The following HECA variants were observed in gnomAD, a reference collection of about 807,000 sequenced individuals.
The protein encoded by HECA is headcase protein homolog.
A neutral mutation model predicts 37.6 loss-of-function variants in HECA; 13 were observed. That is an observed-to-expected ratio of 0.35 (90% CI 0.23 to 0.55). The LOEUF (loss-of-function observed/expected upper bound fraction) is 0.55, where lower values mean the gene tolerates loss of function less well. HECA is among the 20% of genes least tolerant of loss of function. The pLI is 0.90. For synonymous variants in HECA, 307 were observed against 291.5 expected, an observed-to-expected ratio of 1.05 and a Z score of -0.54; for missense variants, 527 against 701.9, an observed-to-expected ratio of 0.75 and a Z score of 2.82.
intron 1 of HECA, among the ~76,000 whole-genome samples, chr6:139,164,311 C>T (rs904563984): frequency 1.3e-5 from 2 of 152,022 alleles, no homozygotes; most frequent in African/African-American, 4.8e-5. Flanking sequence ...CCCAGTGGTT[C>T]CCAATTGGGA....
intron 1 of HECA, among the ~76,000 whole-genome samples, chr6:139,158,903 A>G (rs941355718): frequency 4.6e-5 from 7 of 151,618 alleles, no homozygotes; most frequent in Non-Finnish European, 7.4e-5. Flanking sequence ...GAGAAACCCT[A>G]TCTCTACTAA....
At chr6:139,136,417 A>G (rs764167131) in intron 1 of HECA, among the ~76,000 whole-genome samples, 10 of 152,162 alleles carry the variant, frequency 6.6e-5, no homozygotes, top group Non-Finnish European at 1.3e-4. Context: ...CAGATGTGAC[A>G]GGATTTCTGT....
Position 139,174,553 on chromosome 6 carries a change from A to G in HECA, c.1467+14A>G. On this transcript the variant is annotated intron_variant, in intron 3 of 3. Coordinates refer to ENST00000367658, the MANE Select transcript of HECA (RefSeq NM_016217.3). ...CCATGTTGTCAGGTAGGTACTGAAC[A>G]CACTGAGGGAGCAGTGGGTGATATT... The G allele has an allele frequency of 6.2e-7, 1 of 1,609,992 alleles. No homozygotes were observed. Among genetic ancestry groups the G allele is most frequent in the East Asian group, 2.2e-5 (1 of 44,722 alleles).
rs1408529873 is a variant in HECA, at chr6:139,135,417, C to T, written c.21C>T (p.Ser7=). MPNPKN[S]KGGRKNKRAN... is the part of the protein sequence containing the mutation. ...GCGAGATGCCCAACCCCAAAAACAG[C>T]AAAGGCGGCCGCAAAAACAAGCGCG... is the stretch of plus-strand genomic sequence containing the variant. The change falls in exon 1 of 4, where the codon AGC becomes AGT. Residue 7 remains serine (S), a synonymous_variant. Coordinates refer to ENST00000367658, the MANE Select transcript of HECA (RefSeq NM_016217.3). The T allele has an allele frequency of 2.9e-6, 4 of 1,387,724 alleles. No homozygotes were observed. The highest frequency in any genetic ancestry group is 3.6e-5 in the East Asian group (1 of 27,598). The allele number at this position is 1,387,724 out of a possible 1,614,324, so 86.0% of individuals were successfully genotyped here. A position where few individuals can be genotyped will look rare whatever the true frequency, so the allele number is the denominator to read the frequency against.
At position 139,180,397 on chromosome 6, in the gene HECA, C is replaced by T. The variant is rs1008244352; in HGVS notation, c.*3292C>T. On this transcript the variant is annotated 3_prime_UTR_variant, in exon 4 of 4. Coordinates refer to ENST00000367658, the MANE Select transcript of HECA (RefSeq NM_016217.3). ...TGTTCTCCTGTGTCTAGGTCAGGAA[C>T]TCCAGTTTGCTTTTCTGTTTTGTGT... The T allele has an allele frequency of 5.9e-5, 9 of 152,626 alleles. No homozygotes were observed. The highest frequency in any genetic ancestry group is 2.2e-4 in the African/African-American group (9 of 41,438). 9.5% of individuals were successfully genotyped at this position (152,626 alleles called of 1,614,324 possible). A position where few individuals can be genotyped will look rare whatever the true frequency, so the allele number is the denominator to read the frequency against.
chr6:139,174,377 G>T lies in HECA; in HGVS notation c.1313-8G>T, dbSNP rs369215561. On this transcript the variant is annotated splice_region_variant and splice_polypyrimidine_tract_variant and intron_variant, in intron 2 of 3. Transcript: ENST00000367658. Reference sequence around the variant, plus strand: ...GGCCACTCAGAGCCTTGTGTCTTCTGTGCACAGGGAGACTCATGCATCTGT... The same window carrying T: ...GGCCACTCAGAGCCTTGTGTCTTCTTTGCACAGGGAGACTCATGCATCTGT... 32 of 1,612,128 alleles carry T rather than the reference G, an allele frequency of 2.0e-5. No individual in the cohort carries two copies. Among genetic ancestry groups the T allele is most frequent in the Non-Finnish European group, 2.6e-5 (31 of 1,179,006 alleles).
chr6:139,165,835 T>TA (rs766983833), intron 1 of HECA, among the ~76,000 whole-genome samples: 17 of 152,304 alleles, frequency 1.1e-4, no homozygotes, highest in Non-Finnish European at 1.6e-4. Context: ...GTACTTAAGA[T>TA]AGAGTACAAC....
intron 1 of HECA, among the ~76,000 whole-genome samples, chr6:139,141,730 A>G (rs761852525): frequency 6.8e-5 from 10 of 147,628 alleles, no homozygotes; most frequent in Non-Finnish European, 1.3e-4. Context: ...CGTTCATGAG[A>G]GCCCTCATGG....
chr6:139,166,357 G>A lies in HECA; in HGVS notation c.345G>A (p.Lys115=), dbSNP rs1455315713. The part of the protein sequence containing the change: ...PVDLEKDDYQ[K]VVCNNEHCPC... ...ACCTGGAGAAGGACGACTACCAGAA[G>A]GTGGTGTGCAACAACGAGCACTGCC... is the stretch of plus-strand genomic sequence containing the variant. Residue 115 remains lysine (K), a synonymous_variant, in exon 2 of 4, where the codon AAG becomes AAA. Transcript: ENST00000367658. The A allele has an allele frequency of 6.2e-7, 1 of 1,614,146 alleles. No individual in the cohort carries two copies. Among genetic ancestry groups the A allele is most frequent in the African/African-American group, 1.3e-5 (1 of 75,064 alleles).
In HECA at chr6:139,176,983, G is replaced by A; in HGVS notation, c.1510G>A (p.Val504Met). ...CKHCGKPVID[V>M]RIGMQYFSEY... ...GCACTGTGGGAAGCCGGTGATCGAC[G>A]TGAGGATCGGGATGCAGTACTTCTC... The change falls in exon 4 of 4, where the codon GTG (valine) becomes ATG (methionine). Residue 504 changes from valine (V) to methionine (M), a missense_variant. This residue lies in a region of HECA where 106 missense variants were observed against 193.4 expected (regional missense o/e 0.55). Transcript: ENST00000367658. The surrounding 1 kb of genome is among the most constrained non-coding windows in gnomAD (Gnocchi z 4.5). 1 of 872,770 alleles carries A rather than the reference G, an allele frequency of 1.1e-6. No homozygotes were observed. The highest frequency in any genetic ancestry group is 2.4e-5 in the East Asian group (1 of 41,720). 54.1% of individuals were successfully genotyped at this position (872,770 alleles called of 1,614,324 possible). A position where few individuals can be genotyped will look rare whatever the true frequency, so the allele number is the denominator to read the frequency against.
At chr6:139,165,479 T>C (rs1441260149) in intron 1 of HECA, among the ~76,000 whole-genome samples, 1 of 152,164 alleles carries the variant, frequency 6.6e-6, no homozygotes, top group African/African-American at 2.4e-5. Flanking sequence ...TTTTGACAAA[T>C]GTATAATGAC....
chr6:139,140,491 C>A (rs997525332), intron 1 of HECA, among the ~76,000 whole-genome samples: 1 of 152,204 alleles, frequency 6.6e-6, no homozygotes, highest in African/African-American at 2.4e-5. Flanking sequence ...GTGCGCCGTT[C>A]ATGGTGCTCT....
chr6:139,139,637 T>C (rs529209508), intron 1 of HECA, among the ~76,000 whole-genome samples: 36 of 152,274 alleles, frequency 2.4e-4, no homozygotes, highest in Non-Finnish European at 4.4e-5. Context: ...TTGGGGGAGC[T>C]CTGGAGGTGG....
chr6:139,146,638 T>G (rs1774587307), intron 1 of HECA, among the ~76,000 whole-genome samples: 1 of 152,074 alleles, frequency 6.6e-6, no homozygotes, highest in Admixed American at 6.6e-5. Context: ...TAGGTGTCAG[T>G]GAACAGACAC....
chr6:139,172,928 C>T (rs1219738262), intron 2 of HECA, among the ~76,000 whole-genome samples: 1 of 152,230 alleles, frequency 6.6e-6, no homozygotes, highest in East Asian at 1.9e-4. Flanking sequence ...AAAAGTTACT[C>T]TGTCTTCATC....
Position 139,135,619 on chromosome 6 carries a change from AACGCTGC to A in HECA, c.224_230del (p.Asn75ArgfsTer22), listed in dbSNP as rs1774423367. On this transcript the variant is annotated frameshift_variant, in exon 1 of 4. Transcript: ENST00000367658. LOFTEE classifies it high-confidence loss of function. ...CGGAGGCGCGGGGACTGGCGCCGCGAACGCTGCGGCCGCCGCGGGGGCTGCGGCCGCG... is the reference window on the plus strand; with the variant it reads ...CGGAGGCGCGGGGACTGGCGCCGCGAGGCCGCCGCGGGGGCTGCGGCCGCG... 2.1e-6 allele frequency: 2 copies of A among 961,246 alleles called. No homozygotes were observed. The highest frequency in any genetic ancestry group is 1.3e-4 in the Admixed American group (2 of 15,448). The allele number at this position is 961,246 out of a possible 1,614,324, so 59.5% of individuals were successfully genotyped here. A position where few individuals can be genotyped will look rare whatever the true frequency, so the allele number is the denominator to read the frequency against.
Position 139,176,283 on chromosome 6 carries a change from T to A in HECA, c.1468-658T>A, listed in dbSNP as rs1444074273. Among the ~76,000 whole-genome samples, 1 of 152,200 alleles carries A rather than the reference T, an allele frequency of 6.6e-6. No homozygotes were observed. On this transcript the variant is annotated intron_variant, in intron 3 of 3. Transcript: ENST00000367658. The surrounding 1 kb of genome is among the most constrained non-coding windows in gnomAD (Gnocchi z 4.5). Reference sequence around the variant, plus strand: ...TAAAAGTCAGCTAATACTACCTACCTCCCAGGAGTATTTTGAGAACAAGTT... The same window carrying A: ...TAAAAGTCAGCTAATACTACCTACCACCCAGGAGTATTTTGAGAACAAGTT...
chr6:139,169,181 T>A (rs1646118894), intron 2 of HECA, among the ~76,000 whole-genome samples: 1 of 152,122 alleles, frequency 6.6e-6, no homozygotes, highest in African/African-American at 2.4e-5. Context: ...TTTTCACTTT[T>A]AAAAAATTCT....
At chr6:139,139,193 C>T (rs771901724) in intron 1 of HECA, among the ~76,000 whole-genome samples, 2 of 152,244 alleles carry the variant, frequency 1.3e-5, no homozygotes, top group South Asian at 2.1e-4. Context: ...AGATGGAGTT[C>T]GTTTGCATAG....
Sources: allele counts gnomAD v4.1 joint callset (sites outside exome capture counted in the v4.1 genomes callset), GRCh38; gene constraint gnomAD v4.1.1; regional missense constraint gnomAD v4.1.1; non-coding constraint Gnocchi (gnomAD v3.1); transcripts MANE v1.5; gene names NCBI Gene and HGNC (gene_info 2026-07-23, HGNC 2026-07-21).